RPS6KC1: variants seen among roughly 807,000 people sequenced by gnomAD.
The protein encoded by RPS6KC1 is inactive ribosomal protein S6 kinase delta-1.
A neutral mutation model predicts 103.8 loss-of-function variants in RPS6KC1; 54 were observed. The ratio of observed to expected loss-of-function variants is 0.52; its 90% CI spans 0.42 to 0.65. RPS6KC1 has a LOEUF of 0.65. Ranked by LOEUF, RPS6KC1 falls within the 30% of genes least tolerant of loss-of-function variation. The pLI, the probability that RPS6KC1 is intolerant of heterozygous loss-of-function variation, is 0.00. For missense variants in RPS6KC1, 1,151 were observed against 1,253.8 expected (o/e 0.92, Z 1.24); for synonymous variants, 439 against 438.7 (o/e 1.00, Z -0.01).
At chr1:213,690,503 A>G in the RPS6KC1 span, among the ~76,000 whole-genome samples, 34 of 152,244 alleles carry the variant, frequency 2.2e-4, no homozygotes, top group South Asian at 4.2e-4. Context: ...ATCATCACCA[A>G]GTTTACTGAC....
intron 6 of RPS6KC1, among the ~76,000 whole-genome samples, chr1:213,150,453 CCCTGCGGCCTTCCGCAGTGT>C (rs1256186879): frequency 1.3e-5 from 2 of 148,610 alleles, no homozygotes. Flanking sequence ...AGGCAGAGGA[CCCTGCGGCCTTCCGCAGTGT>C]TTGTGTCCCT....
In RPS6KC1 at chr1:213,088,654, C is replaced by T. The variant is rs7530371; in HGVS notation, c.262+10838C>T. 5.0e-3 allele frequency among the ~76,000 whole-genome samples: 760 copies of T among 152,218 alleles called. 6 individuals carry two copies. Among genetic ancestry groups the T allele is most frequent in the African/African-American group, 0.014 (580 of 41,546 alleles). On this transcript the variant is annotated intron_variant, in intron 3 of 14. Transcript: ENST00000366960. ...CTGGTATTACAGGCATGAGCCACTG[C>T]GCCTGGCCTCATGGCTAATTTTTTT...
the RPS6KC1 span, among the ~76,000 whole-genome samples, chr1:213,858,943 C>A: frequency 6.6e-6 from 1 of 152,164 alleles, no homozygotes; most frequent in East Asian, 1.9e-4. Flanking sequence ...CAAACAAAGT[C>A]ATGTAAATAA....
the RPS6KC1 span, among the ~76,000 whole-genome samples, chr1:213,504,170 A>G: frequency 6.6e-6 from 1 of 152,204 alleles, no homozygotes; most frequent in African/African-American, 2.4e-5. Context: ...TTGAACATAG[A>G]AAAATATAAA....
chr1:213,834,684 C>T, the RPS6KC1 span, among the ~76,000 whole-genome samples: 1 of 150,862 alleles, frequency 6.6e-6, no homozygotes, highest in East Asian at 2.0e-4. Flanking sequence ...CCATAGAGCC[C>T]TTCTCAAACA....
intron 7 of RPS6KC1, among the ~76,000 whole-genome samples, chr1:213,168,776 C>T (rs778435677): frequency 1.2e-4 from 18 of 152,044 alleles, no homozygotes; most frequent in Non-Finnish European, 2.1e-4. Flanking sequence ...GCACCCACCA[C>T]ATGCCCGGCT....
At chr1:213,483,194 G>T in the RPS6KC1 span, among the ~76,000 whole-genome samples, 1 of 152,170 alleles carries the variant, frequency 6.6e-6, no homozygotes, top group African/African-American at 2.4e-5. Context: ...AGCCCCTTAT[G>T]AAACCATCAG....
At chr1:213,245,843 A>G (rs894001542) in intron 12 of RPS6KC1, among the ~76,000 whole-genome samples, 4 of 152,172 alleles carry the variant, frequency 2.6e-5, no homozygotes, top group African/African-American at 9.7e-5. Context: ...TGAAATGCAA[A>G]TGATCACCTT....
the RPS6KC1 span, among the ~76,000 whole-genome samples, chr1:213,777,220 C>A: frequency 6.6e-6 from 1 of 152,152 alleles, no homozygotes; most frequent in Admixed American, 6.5e-5. Context: ...GTGTAAGATG[C>A]CTAGCTTTTG....
intron 8 of RPS6KC1, among the ~76,000 whole-genome samples, chr1:213,193,079 T>G (rs1010251282): frequency 3.9e-5 from 6 of 152,102 alleles, no homozygotes; most frequent in Non-Finnish European, 7.4e-5. Flanking sequence ...CCAGTTTTTT[T>G]TTTTTTTAAC....
intron 6 of RPS6KC1, among the ~76,000 whole-genome samples, chr1:213,131,102 A>G (rs1017528088): frequency 6.6e-6 from 1 of 152,168 alleles, no homozygotes; most frequent in Non-Finnish European, 1.5e-5. Context: ...TCAACTGGGA[A>G]TTCAGATTTC....
the RPS6KC1 span, among the ~76,000 whole-genome samples, chr1:213,357,330 T>A: frequency 2.6e-5 from 4 of 152,134 alleles, no homozygotes; most frequent in African/African-American, 9.7e-5. Flanking sequence ...CTGCCAGCTT[T>A]TCTCAGATCC....
the RPS6KC1 span, among the ~76,000 whole-genome samples, chr1:213,563,304 A>G: frequency 2.6e-5 from 4 of 151,988 alleles, no homozygotes; most frequent in Non-Finnish European, 5.9e-5. Flanking sequence ...TATATCTTTT[A>G]TATATCTTTT....
intron 8 of RPS6KC1, among the ~76,000 whole-genome samples, chr1:213,226,216 C>G (rs2093958568): frequency 1.6e-5 from 2 of 122,122 alleles, no homozygotes; most frequent in Admixed American, 1.6e-4. Context: ...AAGCAAGACT[C>G]TGTCTCAAAA....
At chr1:213,755,818 A>G in the RPS6KC1 span, among the ~76,000 whole-genome samples, 2 of 152,244 alleles carry the variant, frequency 1.3e-5, no homozygotes, top group African/African-American at 4.8e-5. Context: ...CAAAGACAGA[A>G]GTGCTTTAGC....
chr1:213,138,238 G>T (rs1325507781), intron 6 of RPS6KC1, among the ~76,000 whole-genome samples: 1 of 151,648 alleles, frequency 6.6e-6, no homozygotes, highest in Non-Finnish European at 1.5e-5. Flanking sequence ...TTTATGTACA[G>T]GCTTACCTTG....
chr1:213,136,465 A>G (rs2086275945), intron 6 of RPS6KC1, among the ~76,000 whole-genome samples: 1 of 141,228 alleles, frequency 7.1e-6, no homozygotes, highest in African/African-American at 3.0e-5. Context: ...AGGCAGAAAC[A>G]AAAAAAAAAC....
At chr1:213,249,770 A>G (rs935256611) in intron 12 of RPS6KC1, among the ~76,000 whole-genome samples, 9 of 152,206 alleles carry the variant, frequency 5.9e-5, no homozygotes, top group African/African-American at 2.2e-4. Context: ...TAATCGGTCA[A>G]CCAGAAGTCA....
chr1:213,342,804 G>C, the RPS6KC1 span, among the ~76,000 whole-genome samples: 2 of 152,178 alleles, frequency 1.3e-5, no homozygotes, highest in Admixed American at 1.3e-4. Context: ...CTAAAAGATA[G>C]AGATGATCCC....
Sources: allele counts gnomAD v4.1 joint callset (sites outside exome capture counted in the v4.1 genomes callset), GRCh38; gene constraint gnomAD v4.1.1; transcripts MANE v1.5; gene names NCBI Gene and HGNC (gene_info 2026-07-23, HGNC 2026-07-21).